ELMO1: variants seen among roughly 807,000 people sequenced by gnomAD.
The protein encoded by ELMO1 is engulfment and cell motility protein 1.
In ELMO1, 26 loss-of-function variants were observed where a neutral mutation model predicts 98.9. The observed-to-expected ratio is 0.26, with a 90% CI of 0.19 to 0.36. The LOEUF is 0.36. Ranked by LOEUF, ELMO1 falls within the 10% of genes least tolerant of loss-of-function variation. The pLI is 1.00. For missense variants in ELMO1, 627 were observed against 935.2 expected, an observed-to-expected ratio of 0.67 and a Z score of 4.30; for synonymous variants, 346 against 346.0, an observed-to-expected ratio of 1.00 and a Z score of 0.00.
intron 13 of ELMO1, among the ~76,000 whole-genome samples, chr7:37,169,325 C>T (rs944119856): frequency 6.6e-6 from 1 of 152,200 alleles, no homozygotes; most frequent in Non-Finnish European, 1.5e-5. Flanking sequence ...TGCTTCGGCT[C>T]GTGCATCGTG....
At chr7:37,231,892 A>AC (rs1367856151) in intron 8 of ELMO1, among the ~76,000 whole-genome samples, 1 of 151,998 alleles carries the variant, frequency 6.6e-6, no homozygotes, top group Non-Finnish European at 1.5e-5. Flanking sequence ...TCACTCCGTC[A>AC]CCCAGACTGG....
intron 16 of ELMO1, among the ~76,000 whole-genome samples, chr7:36,930,722 T>C (rs1302139850): frequency 6.6e-6 from 1 of 152,258 alleles, no homozygotes; most frequent in East Asian, 1.9e-4. Context: ...TTGACTCTGC[T>C]TTCCTCCCTT....
chr7:37,178,495 A>C (rs1790633394), intron 13 of ELMO1, among the ~76,000 whole-genome samples: 1 of 151,864 alleles, frequency 6.6e-6, no homozygotes, highest in Non-Finnish European at 1.5e-5. Context: ...CCAGCTACTC[A>C]GGAGGCTGAG....
chr7:36,930,960 T>G (rs1406016582), intron 16 of ELMO1, among the ~76,000 whole-genome samples: 1 of 152,222 alleles, frequency 6.6e-6, no homozygotes, highest in African/African-American at 2.4e-5. Context: ...CCATCAGTCC[T>G]CAAAAGCGGT....
At chr7:37,356,204 G>A (rs1583618145) in intron 1 of ELMO1, among the ~76,000 whole-genome samples, 1 of 152,222 alleles carries the variant, frequency 6.6e-6, no homozygotes, top group East Asian at 1.9e-4. Context: ...GTCTATCATT[G>A]ATGGGCATTT....
chr7:37,264,226 C>A (rs958089952), intron 5 of ELMO1, among the ~76,000 whole-genome samples: 1 of 152,094 alleles, frequency 6.6e-6, no homozygotes, highest in Non-Finnish European at 1.5e-5. Context: ...GTGTGTCTGG[C>A]ATTTACCATG....
chr7:37,147,259 A>G (rs1788044882), intron 13 of ELMO1, among the ~76,000 whole-genome samples: 1 of 152,136 alleles, frequency 6.6e-6, no homozygotes, highest in African/African-American at 2.4e-5. Flanking sequence ...CTAGGGATCT[A>G]GGCCAATAGA....
rs1792457527 is a variant in ELMO1 at position 37,204,023 on chromosome 7, G to A, written c.1086+7363C>T. ...GCAGCCACGCTAGTCGCTTTTAACT[G>A]GCCAACAGGTGCCCAGTATTTAGCC... On this transcript the variant is annotated intron_variant, in intron 13 of 21. Coordinates refer to ENST00000310758, the MANE Select transcript of ELMO1 (RefSeq NM_014800.11). 1.1e-5 allele frequency: 5 copies of A among 446,516 alleles called. No individual in the cohort carries two copies. The Admixed American group carries it at 1.2e-4, about 11-fold the overall frequency. The allele number at this position is 446,516 out of a possible 1,614,324, so 27.7% of individuals were successfully genotyped here. A position where few individuals can be genotyped will look rare whatever the true frequency, so the allele number is the denominator to read the frequency against.
intron 8 of ELMO1, 144 bp downstream of exon 8, chr7:37,232,951 C>T: frequency 4.0e-6 from 3 of 743,318 alleles, no homozygotes; most frequent in Non-Finnish European, 6.3e-6. Context: ...CTGACCCCCA[C>T]ATACATAATA....
At chr7:37,187,819 TCA>T (rs1276447276) in intron 13 of ELMO1, among the ~76,000 whole-genome samples, 1 of 152,186 alleles carries the variant, frequency 6.6e-6, no homozygotes, top group East Asian at 1.9e-4. Flanking sequence ...GCACTTGAAT[TCA>T]CAGTGACTGA....
intron 4 of ELMO1, among the ~76,000 whole-genome samples, chr7:37,300,738 G>A (rs1275588145): frequency 6.9e-6 from 1 of 144,892 alleles, no homozygotes; most frequent in Admixed American, 6.9e-5. Context: ...CTCTTTTTTG[G>A]TTGTGTCTCT....
intron 1 of ELMO1, among the ~76,000 whole-genome samples, chr7:37,356,768 A>G (rs957086819): frequency 3.9e-5 from 6 of 152,162 alleles, no homozygotes; most frequent in African/African-American, 1.4e-4. Context: ...ATTAAAAAAA[A>G]AAAAGAAAAG....
chr7:37,081,045 T>C (rs567060476), intron 15 of ELMO1, among the ~76,000 whole-genome samples: 2 of 152,318 alleles, frequency 1.3e-5, no homozygotes, highest in Admixed American at 6.5e-5. Context: ...GTTTATTACC[T>C]TTCTCCAACT....
chr7:37,104,010 CAAAAAAAAAAAAAAA>C (rs35979251), intron 14 of ELMO1, among the ~76,000 whole-genome samples: 3,095 of 29,084 alleles, frequency 0.11, 143 homozygotes, highest in African/African-American at 0.19. Flanking sequence ...GACTCCATCT[CAAAAAAAAAAAAAAA>C]AAAAAAAAAA....
At chr7:37,207,160 T>G (rs2130379427) in intron 13 of ELMO1, among the ~76,000 whole-genome samples, 1 of 152,290 alleles carries the variant, frequency 6.6e-6, no homozygotes, top group Admixed American at 6.5e-5. Context: ...ATACAGCATT[T>G]CCCCTGTTCT....
chr7:36,957,079 C>T (rs1297594021), intron 16 of ELMO1, among the ~76,000 whole-genome samples: 1 of 152,226 alleles, frequency 6.6e-6, no homozygotes, highest in Non-Finnish European at 1.5e-5. Flanking sequence ...GAGGATGGCA[C>T]CAGCTCTTTT....
intron 15 of ELMO1, among the ~76,000 whole-genome samples, chr7:37,082,718 C>T (rs1783536092): frequency 7.0e-6 from 1 of 142,678 alleles, no homozygotes; most frequent in South Asian, 2.3e-4. Context: ...GTGACCCTGT[C>T]TCAAACAAAC....
intron 15 of ELMO1, among the ~76,000 whole-genome samples, chr7:37,089,967 C>G (rs12701545): frequency 6.6e-6 from 1 of 151,994 alleles, no homozygotes; most frequent in African/African-American, 2.4e-5. Flanking sequence ...CACAGTCACA[C>G]GCCAAAGTGT....
At chr7:36,868,553 G>A (rs947580891) in intron 20 of ELMO1, among the ~76,000 whole-genome samples, 2 of 152,014 alleles carry the variant, frequency 1.3e-5, no homozygotes, top group Non-Finnish European at 2.9e-5. Context: ...CACTATGTTG[G>A]CCAGGCTGCT....
Sources: allele counts gnomAD v4.1 joint callset (sites outside exome capture counted in the v4.1 genomes callset), GRCh38; gene constraint gnomAD v4.1.1; transcripts MANE v1.5; gene names NCBI Gene and HGNC (gene_info 2026-07-23, HGNC 2026-07-21).